Variants in TPST1 observed in about 807,000 individuals in gnomAD.
The protein encoded by TPST1 is tyrosylprotein sulfotransferase 1.
TPST1 carries 20 observed loss-of-function variants against 34.8 expected under a neutral mutation model. The ratio of observed to expected loss-of-function variants is 0.57; its 90% CI spans 0.40 to 0.84. The LOEUF is 0.84. Ranked by LOEUF, TPST1 falls within the 40% of genes least tolerant of loss-of-function variation. The probability of loss-of-function intolerance (pLI) is 0.00; values close to 1 mark genes in which losing one functional copy is unlikely to be tolerated. For missense variants in TPST1, 353 were observed against 455.5 expected, an observed-to-expected ratio of 0.78 and a Z score of 2.05; for synonymous variants, 152 against 159.4, an observed-to-expected ratio of 0.95 and a Z score of 0.35.
At chr7:66,280,707 AG>A (rs1374126944) in intron 2 of TPST1, among the ~76,000 whole-genome samples, 2 of 152,104 alleles carry the variant, frequency 1.3e-5, no homozygotes, top group East Asian at 3.9e-4. Flanking sequence ...GAATACTTCC[AG>A]TATGGTATGC....
At chr7:66,282,513 T>A (rs918995687) in intron 2 of TPST1, among the ~76,000 whole-genome samples, 2 of 152,220 alleles carry the variant, frequency 1.3e-5, no homozygotes, top group African/African-American at 4.8e-5. Flanking sequence ...GGAAACTGTG[T>A]CTCCGTCTGT....
At chr7:66,338,620 T>A (rs1792170075) in intron 3 of TPST1, among the ~76,000 whole-genome samples, 1 of 152,170 alleles carries the variant, frequency 6.6e-6, no homozygotes, top group Non-Finnish European at 1.5e-5. Flanking sequence ...TGAAATTATA[T>A]TTATCTTGTC....
chr7:66,264,677 T>A (rs978400928), intron 2 of TPST1, among the ~76,000 whole-genome samples: 1 of 152,182 alleles, frequency 6.6e-6, no homozygotes, highest in Admixed American at 6.5e-5. Flanking sequence ...CAACAAAAAA[T>A]TCTGGAGAGG....
chr7:66,235,609 T>C (rs1789896553), intron 1 of TPST1, among the ~76,000 whole-genome samples: 2 of 152,116 alleles, frequency 1.3e-5, no homozygotes. Context: ...TTTATATATA[T>C]AGTATGTGAA....
intron 3 of TPST1, among the ~76,000 whole-genome samples, chr7:66,311,494 A>T (rs1266883246): frequency 6.6e-6 from 1 of 152,152 alleles, no homozygotes. Context: ...TTCTGTAAAG[A>T]ATATATAAGG....
chr7:66,201,878 A>AG (rs11379904), upstream of TPST1, among the ~76,000 whole-genome samples: 4 of 150,464 alleles, frequency 2.7e-5, no homozygotes, highest in Non-Finnish European at 5.9e-5. Context: ...AAAAAAAAAA[A>AG]GGTAATCCAA....
At chr7:66,270,262 T>C (rs1790679273) in intron 2 of TPST1, among the ~76,000 whole-genome samples, 1 of 152,106 alleles carries the variant, frequency 6.6e-6, no homozygotes, top group Admixed American at 6.5e-5. Context: ...GAAGGTCAGG[T>C]TATTTTATGT....
intron 3 of TPST1, among the ~76,000 whole-genome samples, chr7:66,304,287 G>A (rs1014910812): frequency 2.6e-5 from 4 of 152,128 alleles, no homozygotes; most frequent in East Asian, 3.9e-4. Context: ...ACTGCCTCTC[G>A]CTGCCAAAGT....
chr7:66,349,483 A>C (rs951625633), intron 3 of TPST1, among the ~76,000 whole-genome samples: 3 of 152,136 alleles, frequency 2.0e-5, no homozygotes, highest in African/African-American at 7.2e-5. Flanking sequence ...GAGGCAGGAG[A>C]AGTGCTTGAA....
At chr7:66,350,256 C>G (rs1444581217) in intron 3 of TPST1, among the ~76,000 whole-genome samples, 1 of 152,164 alleles carries the variant, frequency 6.6e-6, no homozygotes, top group Non-Finnish European at 1.5e-5. Flanking sequence ...CTCAGGTGAT[C>G]TGCCCGCCTT....
rs369265400 is a variant in TPST1, at chr7:66,240,380, C to A, written c.-46C>A. The A allele has an allele frequency of 2.6e-5, 41 of 1,577,696 alleles. No individual in the cohort carries two copies. Among genetic ancestry groups the A allele is most frequent in the Non-Finnish European group, 3.3e-5 (38 of 1,161,302 alleles). ...CATGGCCTGAACATTTTCCGAAAAT[C>A]ATTTTGAGCAAAATATCTGTTTAAT... On this transcript the variant is annotated 5_prime_UTR_variant, in exon 2 of 6. Transcript: ENST00000304842.
chr7:66,239,839 A>C (rs1050933223), intron 1 of TPST1, among the ~76,000 whole-genome samples: 1 of 152,200 alleles, frequency 6.6e-6, no homozygotes, highest in Non-Finnish European at 1.5e-5. Flanking sequence ...TACTGTATAT[A>C]CTGAGTAAAA....
At position 66,324,813 on chromosome 7, in the gene TPST1, A is replaced by G; in HGVS notation, c.1045-27692A>G. Among the ~76,000 whole-genome samples, 3 of 72,790 alleles carry G rather than the reference A, an allele frequency of 4.1e-5. No homozygotes were observed. The East Asian group carries it at 8.9e-4, about 22-fold the overall frequency. 47.8% of individuals were successfully genotyped at this position (72,790 alleles called of 152,430 possible). On this transcript the variant is annotated intron_variant, in intron 3 of 5. Transcript: ENST00000304842. ...AAGACTCTGTCTCAAAAAAAAAAAA[A>G]AAAAAAAAAAAAAAAAACAAGACAA...
At chr7:66,266,697 C>T (rs1231177349) in intron 2 of TPST1, among the ~76,000 whole-genome samples, 1 of 152,138 alleles carries the variant, frequency 6.6e-6, no homozygotes, top group Non-Finnish European at 1.5e-5. Context: ...TATTACTCAG[C>T]AATAAAAAGA....
At chr7:66,349,374 C>A (rs892385104) in intron 3 of TPST1, among the ~76,000 whole-genome samples, 2 of 152,110 alleles carry the variant, frequency 1.3e-5, no homozygotes, top group Non-Finnish European at 1.5e-5. Context: ...AGTTCAAGAC[C>A]AGCCTGACCA....
intron 3 of TPST1, among the ~76,000 whole-genome samples, chr7:66,297,202 G>C (rs1791219798): frequency 6.6e-6 from 1 of 152,126 alleles, no homozygotes; most frequent in African/African-American, 2.4e-5. Context: ...CAGCCTATTT[G>C]CTGATTATCA....
rs112276800 is a variant in TPST1 at position 66,283,260 on chromosome 7, C to T, written c.846-3251C>T. Among the ~76,000 whole-genome samples the T allele has an allele frequency of 1.8e-3, 269 of 151,514 alleles. 1 individual carries two copies. Among genetic ancestry groups the T allele is most frequent in the Non-Finnish European group, 1.2e-3 (79 of 67,854 alleles). On this transcript the variant is annotated intron_variant, in intron 2 of 5. Coordinates refer to ENST00000304842, the MANE Select transcript of TPST1 (RefSeq NM_003596.4). ...TGGGTGACAGAGCAAGAGTCCGTCTCAAAAAACAAAAACAAAAAAAACCCC... is the reference window on the plus strand; with the variant it reads ...TGGGTGACAGAGCAAGAGTCCGTCTTAAAAAACAAAAACAAAAAAAACCCC...
At chr7:66,248,054 A>C (rs1284124777) in intron 2 of TPST1, among the ~76,000 whole-genome samples, 1 of 152,250 alleles carries the variant, frequency 6.6e-6, no homozygotes, top group South Asian at 2.1e-4. Flanking sequence ...GGAAATAATC[A>C]TTGAGAAGTT....
intron 3 of TPST1, among the ~76,000 whole-genome samples, chr7:66,289,207 C>G (rs1439311235): frequency 1.7e-5 from 1 of 58,630 alleles, no homozygotes; most frequent in South Asian, 4.6e-4. Context: ...GGATGAAGCC[C>G]ACCTGATCAT....
Sources: allele counts gnomAD v4.1 joint callset (sites outside exome capture counted in the v4.1 genomes callset), GRCh38; gene constraint gnomAD v4.1.1; transcripts MANE v1.5; gene names NCBI Gene and HGNC (gene_info 2026-07-23, HGNC 2026-07-21).